CSMD1: variants seen among roughly 807,000 people sequenced by gnomAD.
CSMD1 encodes CUB and sushi domain-containing protein 1.
A neutral mutation model predicts 417.5 loss-of-function variants in CSMD1; 213 were observed. That is an observed-to-expected ratio of 0.51 (90% CI 0.46 to 0.57). CSMD1 has a LOEUF of 0.57. CSMD1 is among the 20% of genes least tolerant of loss of function. The pLI, the probability that CSMD1 is intolerant of heterozygous loss-of-function variation, is 0.00. For missense variants in CSMD1, 6,923 were observed against 4,529.7 expected (o/e 1.53, Z -15.17); for synonymous variants, 2,862 against 1,736.8 (o/e 1.65, Z -16.11).
At chr8:4,055,125 A>C (rs2130711971) in intron 3 of CSMD1, among the ~76,000 whole-genome samples, 1 of 152,324 alleles carries the variant, frequency 6.6e-6, no homozygotes, top group Non-Finnish European at 1.5e-5. Flanking sequence ...GTAGTAGATG[A>C]TAGAAATATG....
chr8:3,903,828 T>C (rs1170620295), intron 5 of CSMD1, among the ~76,000 whole-genome samples: 2 of 152,170 alleles, frequency 1.3e-5, no homozygotes, highest in Admixed American at 6.5e-5. Flanking sequence ...CTTCGAGCTC[T>C]GAGGTCTCTT....
chr8:4,069,370 T>C (rs570883057), intron 3 of CSMD1, among the ~76,000 whole-genome samples: 3 of 152,328 alleles, frequency 2.0e-5, no homozygotes, highest in African/African-American at 7.2e-5. Flanking sequence ...CTGGTGATTT[T>C]TACTTTATGC....
intron 2 of CSMD1, among the ~76,000 whole-genome samples, chr8:4,581,123 G>A (rs1465285985): frequency 2.0e-5 from 3 of 152,080 alleles, no homozygotes; most frequent in East Asian, 1.9e-4. Flanking sequence ...AAAATGAACG[G>A]TAGAAAGAAT....
chr8:4,099,635 C>G (rs1390632196), intron 3 of CSMD1, among the ~76,000 whole-genome samples: 1 of 152,058 alleles, frequency 6.6e-6, no homozygotes, highest in African/African-American at 2.4e-5. Context: ...ACCTCACTTT[C>G]TTGGGTTCAG....
rs1200291802 is a variant in CSMD1 at position 3,007,101 on chromosome 8, A to C, written c.8030-6970T>G. On this transcript the variant is annotated intron_variant, in intron 52 of 69. Transcript: ENST00000635120. ...AGAAAAAAACAAACAACCCCATCAA[A>C]AAGTGGGCAAAGGACATGAACAGAC... Among the ~76,000 whole-genome samples, 183 of 148,522 alleles carry C rather than the reference A, an allele frequency of 1.2e-3. 3 individuals carry two copies. The highest frequency in any genetic ancestry group is 4.5e-3 in the African/African-American group (175 of 38,732).
At chr8:3,827,315 T>A (rs142510057) in intron 5 of CSMD1, among the ~76,000 whole-genome samples, 65 of 152,340 alleles carry the variant, frequency 4.3e-4, no homozygotes, top group African/African-American at 1.5e-3. Flanking sequence ...AAAGGCTCTA[T>A]ATAAAAGAAT....
intron 3 of CSMD1, among the ~76,000 whole-genome samples, chr8:4,350,076 C>T (rs1246915183): frequency 6.6e-6 from 1 of 152,152 alleles, no homozygotes; most frequent in Non-Finnish European, 1.5e-5. Flanking sequence ...TCTCTCAGCC[C>T]TGAAACATGA....
Position 3,539,167 on chromosome 8 carries a change from G to A in CSMD1, c.1344+35778C>T, listed in dbSNP as rs145029146. On this transcript the variant is annotated intron_variant, in intron 10 of 69. Transcript: ENST00000635120. ...TTCCACATACCAAGATGTTCTGGCC[G>A]CAGGGCTCTTGCATTTGCTGTAATT... is the stretch of plus-strand genomic sequence containing the variant. 9.9e-4 allele frequency among the ~76,000 whole-genome samples: 150 copies of A among 152,186 alleles called. No individual in the cohort carries two copies. The South Asian group carries it at 0.015, about 15-fold the overall frequency.
At chr8:3,672,557 T>C (rs1379230782) in intron 7 of CSMD1, among the ~76,000 whole-genome samples, 1 of 152,234 alleles carries the variant, frequency 6.6e-6, no homozygotes, top group Non-Finnish European at 1.5e-5. Context: ...GAGGTAATAA[T>C]GGTTTAAAGC....
chr8:3,876,528 A>C (rs1427399497), intron 5 of CSMD1, among the ~76,000 whole-genome samples: 3 of 152,172 alleles, frequency 2.0e-5, no homozygotes, highest in Admixed American at 6.5e-5. Flanking sequence ...ATTAGGAGAA[A>C]TTTATTCATA....
chr8:4,943,989 G>T (rs187849418), intron 1 of CSMD1, among the ~76,000 whole-genome samples: 1 of 152,294 alleles, frequency 6.6e-6, no homozygotes, highest in South Asian at 2.1e-4. Context: ...ACATACTGGC[G>T]GTTGTATTTG....
intron 1 of CSMD1, among the ~76,000 whole-genome samples, chr8:4,643,881 A>C (rs570074997): frequency 6.6e-6 from 1 of 152,306 alleles, no homozygotes; most frequent in East Asian, 1.9e-4. Flanking sequence ...ATTTTGCAGG[A>C]ACACCATGCC....
At chr8:2,940,650 A>G (rs558682367) in intron 69 of CSMD1, among the ~76,000 whole-genome samples, 4 of 152,320 alleles carry the variant, frequency 2.6e-5, no homozygotes, top group Admixed American at 2.0e-4. Context: ...ATAGCCCCCA[A>G]TGCTACATTG....
intron 10 of CSMD1, among the ~76,000 whole-genome samples, chr8:3,561,641 G>A (rs1471997913): frequency 6.6e-6 from 1 of 152,140 alleles, no homozygotes; most frequent in Non-Finnish European, 1.5e-5. Context: ...AGAGGCAGGA[G>A]AGTAAAGCTT....
At chr8:4,064,438 C>T (rs1010554111) in intron 3 of CSMD1, among the ~76,000 whole-genome samples, 1 of 152,168 alleles carries the variant, frequency 6.6e-6, no homozygotes, top group Non-Finnish European at 1.5e-5. Context: ...CGGGCTTTGC[C>T]CAAGTTTTAA....
At chr8:4,297,176 T>A (rs975796086) in intron 3 of CSMD1, among the ~76,000 whole-genome samples, 1 of 152,092 alleles carries the variant, frequency 6.6e-6, no homozygotes, top group African/African-American at 2.4e-5. Context: ...GAATATACTT[T>A]TACAATCTAG....
In CSMD1 at chr8:3,998,106, C is replaced by G. The variant is rs35788699; in HGVS notation, c.615G>C (p.Glu205Asp). 3.8e-6 allele frequency: 6 copies of G among 1,563,090 alleles called. No homozygotes were observed. In the African/African-American group the frequency reaches 4.1e-5, roughly 11 times the overall value. ...WDFPAPFCRA[E>D]GACGGTLRGT... The stretch of plus-strand genomic sequence containing the variant: ...CGCGTAAGGTTCCTCCGCAGGCTCC[C>G]TCAGCTGCAGGGGCAAAAGCAGAAA... The change falls in exon 5 of 70, where the codon GAG (glutamate) becomes GAC (aspartate). Residue 205 changes from glutamate (E) to aspartate (D), a missense_variant. Glu to Asp is a conservative substitution (Grantham distance 45, BLOSUM62 2). Transcript: ENST00000635120.
rs561593255 is a variant in CSMD1 at position 4,485,092 on chromosome 8, T to A, written c.303-65027A>T. The stretch of plus-strand genomic sequence containing the variant: ...TTCTACCCACACAGAAAGGAGATGC[T>A]GAGAGAGGGTCTGTATTCAGGTTTT... On this transcript the variant is annotated intron_variant, in intron 2 of 69. Transcript: ENST00000635120. Among the ~76,000 whole-genome samples the A allele has an allele frequency of 4.0e-5, 6 of 150,520 alleles. No homozygotes were observed. In the East Asian group the frequency reaches 1.0e-3, roughly 25 times the overall value.
intron 1 of CSMD1, among the ~76,000 whole-genome samples, chr8:4,944,649 G>A (rs533942409): frequency 3.9e-5 from 6 of 152,160 alleles, no homozygotes; most frequent in Non-Finnish European, 8.8e-5. Flanking sequence ...ATGAAGAGAT[G>A]TTCGATATTA....
Sources: gnomAD v4.1 joint callset for allele counts (sites outside exome capture counted in the v4.1 genomes callset) on GRCh38, gnomAD v4.1.1 for gene constraint, MANE v1.5 for transcripts, NCBI Gene and HGNC (gene_info 2026-07-23, HGNC 2026-07-21) for gene names.